Variants in STK39 observed in about 807,000 individuals in gnomAD.
The protein encoded by STK39 is serine/threonine kinase 39.
In STK39, 20 loss-of-function variants were observed where a neutral mutation model predicts 77.8. The ratio of observed to expected loss-of-function variants is 0.26; its 90% confidence interval spans 0.18 to 0.37. STK39 has a LOEUF of 0.37. STK39 is among the 10% of genes least tolerant of loss of function. STK39 has a pLI of 1.00. For missense variants in STK39, 479 were observed against 656.5 expected, an observed-to-expected ratio of 0.73 and a Z score of 2.95; for synonymous variants, 246 against 234.1, an observed-to-expected ratio of 1.05 and a Z score of -0.47.
At chr2:168,187,507 T>C (rs780710945) in intron 1 of STK39, among the ~76,000 whole-genome samples, 2 of 152,212 alleles carry the variant, frequency 1.3e-5, no homozygotes, top group Non-Finnish European at 2.9e-5. Context: ...ATAATGCTAC[T>C]TCACTCATAG....
At chr2:167,965,063 T>G (rs1178035219) in intron 16 of STK39, among the ~76,000 whole-genome samples, 1 of 151,716 alleles carries the variant, frequency 6.6e-6, no homozygotes, top group Non-Finnish European at 1.5e-5. Flanking sequence ...AAATATTCAT[T>G]ACTAAGAAAT....
In STK39 at chr2:168,234,059, T is replaced by G. The variant is rs1690532282; in HGVS notation, c.208+13169A>C. Among the ~76,000 whole-genome samples the G allele has an allele frequency of 2.0e-5, 3 of 152,162 alleles. No homozygotes were observed. In the South Asian group the frequency reaches 6.2e-4, roughly 31 times the overall value. On this transcript the variant is annotated intron_variant, in intron 1 of 17. Transcript: ENST00000355999. ...GACTAGCTTGCAAATAGGTACAGAG[T>G]GAAAACAAAACATTTTTTAAAAATC...
At chr2:168,210,907 A>C (rs1480339668) in intron 1 of STK39, among the ~76,000 whole-genome samples, 1 of 151,924 alleles carries the variant, frequency 6.6e-6, no homozygotes, top group Non-Finnish European at 1.5e-5. Flanking sequence ...AGAAGAGACA[A>C]TCTACACAAA....
chr2:168,011,096 G>T (rs547638005), intron 16 of STK39, among the ~76,000 whole-genome samples: 1 of 152,180 alleles, frequency 6.6e-6, no homozygotes, highest in Non-Finnish European at 1.5e-5. Context: ...TCAGGAGTTC[G>T]AAACCAGCCT....
intron 14 of STK39, among the ~76,000 whole-genome samples, chr2:168,045,781 AT>A (rs1685223759): frequency 6.6e-6 from 1 of 152,222 alleles, no homozygotes; most frequent in African/African-American, 2.4e-5. Flanking sequence ...ATTGGCCAAA[AT>A]GGCTATGCTA....
intron 1 of STK39, among the ~76,000 whole-genome samples, chr2:168,204,739 TA>T (rs1186601439): frequency 1.3e-5 from 2 of 152,206 alleles, no homozygotes; most frequent in Admixed American, 6.5e-5. Context: ...TAACAGCAGG[TA>T]AAAAGGAGAT....
intron 1 of STK39, among the ~76,000 whole-genome samples, chr2:168,232,373 T>G (rs1559158140): frequency 6.6e-6 from 1 of 152,210 alleles, no homozygotes; most frequent in Admixed American, 6.5e-5. Context: ...TCTTTCCTAT[T>G]TTTGTCACTC....
intron 7 of STK39, 50 bp from the exon 8 acceptor site, chr2:168,138,271 C>T: frequency 6.4e-7 from 1 of 1,565,828 alleles, no homozygotes; most frequent in Non-Finnish European, 8.7e-7. Flanking sequence ...GCAATTGCTA[C>T]AATCTAGTTT....
intron 14 of STK39, among the ~76,000 whole-genome samples, chr2:168,045,879 C>A (rs76262801): frequency 1.3e-5 from 2 of 152,066 alleles, no homozygotes; most frequent in South Asian, 2.1e-4. Context: ...GGAACCCTCA[C>A]GAGTTACTGG....
intron 16 of STK39, among the ~76,000 whole-genome samples, chr2:167,974,527 AAT>A (rs1683220781): frequency 6.6e-6 from 1 of 152,224 alleles, no homozygotes; most frequent in Non-Finnish European, 1.5e-5. Context: ...GAATGATATT[AAT>A]ATATGTTCCA....
chr2:168,009,509 G>A (rs1396148492), intron 16 of STK39, among the ~76,000 whole-genome samples: 1 of 152,192 alleles, frequency 6.6e-6, no homozygotes. Context: ...ACATTGGGGA[G>A]TCAACAAGAC....
At position 168,228,697 on chromosome 2, in the gene STK39, G is replaced by C. The variant is rs1305377943; in HGVS notation, c.208+18531C>G. On this transcript the variant is annotated intron_variant, in intron 1 of 17. Coordinates refer to ENST00000355999, the MANE Select transcript of STK39 (RefSeq NM_013233.3). ...CTCAGCTGCTTGGGAGGCTGAGGCA[G>C]GAGAATCACTTGAACCAGGAGGCAG... Among the ~76,000 whole-genome samples, 3 of 152,246 alleles carry C rather than the reference G, an allele frequency of 2.0e-5. No individual in the cohort carries two copies. In the East Asian group the frequency reaches 5.8e-4, roughly 29 times the overall value.
chr2:168,188,906 C>T (rs151154498), intron 1 of STK39, among the ~76,000 whole-genome samples: 7 of 152,248 alleles, frequency 4.6e-5, no homozygotes, highest in Admixed American at 3.9e-4. Context: ...ACAAACCGCT[C>T]GCCTCCACTG....
chr2:168,219,806 G>A (rs1050751874), intron 1 of STK39, among the ~76,000 whole-genome samples: 1 of 151,126 alleles, frequency 6.6e-6, no homozygotes, highest in Non-Finnish European at 1.5e-5. Context: ...TGCCTTCCAG[G>A]CCCTGACAAG....
intron 16 of STK39, among the ~76,000 whole-genome samples, chr2:167,990,528 C>T (rs957437884): frequency 6.6e-6 from 1 of 152,136 alleles, no homozygotes; most frequent in Non-Finnish European, 1.5e-5. Context: ...TAGTAAAAAA[C>T]GATTGCACAT....
At chr2:168,168,326 A>G (rs908403883) in intron 2 of STK39, among the ~76,000 whole-genome samples, 1 of 152,168 alleles carries the variant, frequency 6.6e-6, no homozygotes, top group Non-Finnish European at 1.5e-5. Flanking sequence ...GTTTTAAGTT[A>G]TTGTCGGATG....
At chr2:168,005,773 G>A (rs1684117633) in intron 16 of STK39, among the ~76,000 whole-genome samples, 1 of 152,226 alleles carries the variant, frequency 6.6e-6, no homozygotes. Context: ...TGTGCAAGGA[G>A]TGGGGTGTCA....
rs1029619874 is a variant in STK39, at chr2:168,139,662, A to G, written c.840+627T>C. Among the ~76,000 whole-genome samples the G allele has an allele frequency of 6.1e-4, 93 of 152,154 alleles. 2 individuals carry two copies. The highest frequency in any genetic ancestry group is 4.4e-5 in the Non-Finnish European group (3 of 68,032). Reference sequence around the variant, plus strand: ...TAGACCATACTCTATGTAAAATAGCATTATAATTTCACTAAACTATTTCAG... The same window carrying G: ...TAGACCATACTCTATGTAAAATAGCGTTATAATTTCACTAAACTATTTCAG... On this transcript the variant is annotated intron_variant, in intron 7 of 17. Coordinates refer to ENST00000355999, the MANE Select transcript of STK39 (RefSeq NM_013233.3).
chr2:168,113,892 A>T (rs1687187250), intron 10 of STK39, among the ~76,000 whole-genome samples: 2 of 152,226 alleles, frequency 1.3e-5, no homozygotes, highest in South Asian at 4.1e-4. Context: ...GAGAGACCCC[A>T]TAGAAATAAC....
Sources: allele counts gnomAD v4.1 joint callset (sites outside exome capture counted in the v4.1 genomes callset), GRCh38; gene constraint gnomAD v4.1.1; transcripts MANE v1.5; gene names NCBI Gene and HGNC (gene_info 2026-07-23, HGNC 2026-07-21).